Variants in CTNND2 observed in about 807,000 individuals in gnomAD.
CTNND2 encodes catenin delta-2.
CTNND2 carries 22 observed loss-of-function variants against 144.4 expected under a neutral mutation model. The observed-to-expected ratio is 0.15, with a 90% CI of 0.11 to 0.22. The LOEUF (loss-of-function observed/expected upper bound fraction) is 0.22. Ranked by LOEUF, CTNND2 falls within the 10% of genes least tolerant of loss-of-function variation. The pLI, the probability that CTNND2 is intolerant of heterozygous loss-of-function variation, is 1.00. For synonymous variants in CTNND2, 751 were observed against 695.6 expected, an observed-to-expected ratio of 1.08 and a Z score of -1.25; for missense variants, 1,353 against 1,618.8, an observed-to-expected ratio of 0.84 and a Z score of 2.82.
At chr5:11,778,837 T>C (rs776140547) in intron 1 of CTNND2, among the ~76,000 whole-genome samples, 8 of 152,236 alleles carry the variant, frequency 5.3e-5, no homozygotes, top group Admixed American at 1.3e-4. Flanking sequence ...AATGCAAAAC[T>C]TTAATAATGG....
chr5:11,788,099 T>A (rs1790929610), intron 1 of CTNND2, among the ~76,000 whole-genome samples: 1 of 152,210 alleles, frequency 6.6e-6, no homozygotes, highest in African/African-American at 2.4e-5. Flanking sequence ...AATGATCACA[T>A]CTAATTTTTA....
intron 2 of CTNND2, among the ~76,000 whole-genome samples, chr5:11,712,570 A>G (rs1786090803): frequency 6.6e-6 from 1 of 152,262 alleles, no homozygotes; most frequent in Non-Finnish European, 1.5e-5. Flanking sequence ...CAATTTAAAT[A>G]GAAATATTAA....
intron 9 of CTNND2, among the ~76,000 whole-genome samples, chr5:11,240,087 C>G (rs1462298382): frequency 1.3e-5 from 2 of 151,826 alleles, no homozygotes; most frequent in African/African-American, 4.8e-5. Context: ...GAGCAAGAGT[C>G]ATTCCTAGAT....
chr5:11,369,106 T>C (rs918028649), intron 7 of CTNND2, among the ~76,000 whole-genome samples: 3 of 152,252 alleles, frequency 2.0e-5, no homozygotes, highest in African/African-American at 7.2e-5. Context: ...TTTCTGATAA[T>C]TCTGTGAAGT....
Position 11,674,309 on chromosome 5 carries a change from T to C in CTNND2, c.174+57827A>G, listed in dbSNP as rs189965163. ...GTTCCATTATGGACTTTCTAAGCTA[T>C]TTAATGAAAACAGATTTTTTTCACA... On this transcript the variant is annotated intron_variant, in intron 2 of 21. Transcript: ENST00000304623. Among the ~76,000 whole-genome samples, 56 of 152,358 alleles carry C rather than the reference T, an allele frequency of 3.7e-4. No homozygotes were observed. The East Asian group carries it at 0.01, about 28-fold the overall frequency.
intron 14 of CTNND2, among the ~76,000 whole-genome samples, chr5:11,106,266 T>C (rs1752421430): frequency 6.6e-6 from 1 of 152,226 alleles, no homozygotes; most frequent in African/African-American, 2.4e-5. Context: ...AGATGTTCAT[T>C]ACAGTTTACA....
At position 11,236,572 on chromosome 5, in the gene CTNND2, A is replaced by G. The variant is rs1243830496; in HGVS notation, c.1761+119T>C. 2.8e-6 allele frequency: 3 copies of G among 1,083,772 alleles called. No homozygotes were observed. The Admixed American group carries it at 6.7e-5, about 24-fold the overall frequency. The allele number at this position is 1,083,772 out of a possible 1,614,324, so 67.1% of individuals were successfully genotyped here. The stretch of plus-strand genomic sequence containing the variant: ...CATGCTATGTTCTAGTCATAAATAT[A>G]GATCTAAATTTTAAAAGCATAACTT... On this transcript the variant is annotated intron_variant, in intron 10 of 21. Coordinates refer to ENST00000304623, the MANE Select transcript of CTNND2 (RefSeq NM_001332.4).
chr5:11,191,327 A>G (rs1036270387), intron 11 of CTNND2, among the ~76,000 whole-genome samples: 1 of 152,194 alleles, frequency 6.6e-6, no homozygotes, highest in Admixed American at 6.5e-5. Context: ...CTAACAAACC[A>G]CAGGACAGTG....
At chr5:11,196,314 A>G (rs1475053114) in intron 11 of CTNND2, among the ~76,000 whole-genome samples, 1 of 152,182 alleles carries the variant, frequency 6.6e-6, no homozygotes, top group African/African-American at 2.4e-5. Context: ...CCTAGTCTAC[A>G]AATAAGTAAG....
At chr5:11,300,274 C>G (rs984627900) in intron 9 of CTNND2, among the ~76,000 whole-genome samples, 2 of 152,082 alleles carry the variant, frequency 1.3e-5, no homozygotes, top group Admixed American at 6.6e-5. Context: ...AAGAACCAAC[C>G]CCTCCTCCAC....
At chr5:11,823,304 T>C (rs756782658) in intron 1 of CTNND2, among the ~76,000 whole-genome samples, 6 of 152,230 alleles carry the variant, frequency 3.9e-5, no homozygotes, top group Non-Finnish European at 5.9e-5. Context: ...TTTTTCCAAT[T>C]AACGAGTTTG....
chr5:11,149,376 G>T (rs1051225735), intron 12 of CTNND2, among the ~76,000 whole-genome samples: 3 of 152,178 alleles, frequency 2.0e-5, no homozygotes, highest in African/African-American at 7.2e-5. Context: ...AAGAACAATG[G>T]TCTGGACACG....
chr5:11,669,373 C>T (rs1223971169), intron 2 of CTNND2, among the ~76,000 whole-genome samples: 7 of 152,148 alleles, frequency 4.6e-5, no homozygotes, highest in Admixed American at 1.3e-4. Context: ...TAGAATTCAG[C>T]TGTGAATCCA....
At chr5:11,408,937 A>G (rs1459653588) in intron 5 of CTNND2, among the ~76,000 whole-genome samples, 1 of 151,960 alleles carries the variant, frequency 6.6e-6, no homozygotes, top group African/African-American at 2.4e-5. Flanking sequence ...ACTTTATATT[A>G]CTTTATCTCT....
In CTNND2 at chr5:11,082,734, C is replaced by T; in HGVS notation, c.2750G>A (p.Arg917Gln). The T allele has an allele frequency of 2.5e-6, 4 of 1,614,146 alleles. No homozygotes were observed. Among genetic ancestry groups the T allele is most frequent in the Non-Finnish European group, 2.5e-6 (3 of 1,180,020 alleles). Reference protein sequence around the residue: ...RVVCAVATALRNMALDVRNKE... With the variant: ...RVVCAVATALQNMALDVRNKE... ...ATTTCTGACGTCCAAGGCCATGTTC[C>T]GCAGCGCAGTGGCCACCGCGCACAC... Residue 917 changes from arginine to glutamine, a missense_variant, in exon 16 of 22, where the codon CGG becomes CAG. By Grantham distance (43) the Arg-to-Gln change is conservative. This residue lies in a region of CTNND2 where 459 missense variants were observed against 674.3 expected (regional missense o/e 0.68). Coordinates refer to ENST00000304623, the MANE Select transcript of CTNND2 (RefSeq NM_001332.4).
chr5:11,250,663 C>T (rs32066), intron 9 of CTNND2, among the ~76,000 whole-genome samples: 55,709 of 150,720 alleles, frequency 0.37, 10,712 homozygotes, highest in African/African-American at 0.47. Flanking sequence ...ACTACAGGCA[C>T]GCACCAACAC....
chr5:11,022,167 C>A (rs1742325852), intron 17 of CTNND2, among the ~76,000 whole-genome samples: 1 of 152,182 alleles, frequency 6.6e-6, no homozygotes, highest in South Asian at 2.1e-4. Flanking sequence ...GAAATTTCTA[C>A]TCATTCTTTA....
intron 12 of CTNND2, among the ~76,000 whole-genome samples, chr5:11,149,634 C>T (rs867638409): frequency 4.6e-5 from 7 of 152,080 alleles, no homozygotes; most frequent in Admixed American, 6.5e-5. Context: ...TGTACCTCTA[C>T]GGAAAGACAG....
intron 3 of CTNND2, among the ~76,000 whole-genome samples, chr5:11,434,172 A>G (rs1221222654): frequency 2.6e-5 from 4 of 152,252 alleles, no homozygotes; most frequent in African/African-American, 9.6e-5. Flanking sequence ...TACATGCAGC[A>G]GCATGGAGGA....
Sources: allele counts gnomAD v4.1 joint callset (sites outside exome capture counted in the v4.1 genomes callset), GRCh38; gene constraint gnomAD v4.1.1; regional missense constraint gnomAD v4.1.1; transcripts MANE v1.5; gene names NCBI Gene and HGNC (gene_info 2026-07-23, HGNC 2026-07-21).